SEMA6D: variants seen among roughly 807,000 people sequenced by gnomAD.
The protein encoded by SEMA6D is semaphorin-6D.
Under a neutral mutation model 106.6 loss-of-function variants are expected in SEMA6D, and 35 were observed. That is an observed-to-expected ratio of 0.33 (90% confidence interval 0.25 to 0.44). SEMA6D has a LOEUF of 0.44. Among genes scored for constraint, SEMA6D ranks in the 20% least tolerant of loss-of-function variants. SEMA6D has a pLI of 1.00. For synonymous variants in SEMA6D, 499 were observed against 487.7 expected, an observed-to-expected ratio of 1.02 and a Z score of -0.31; for missense variants, 1,185 against 1,345.9, an observed-to-expected ratio of 0.88 and a Z score of 1.87.
intron 4 of SEMA6D, among the ~76,000 whole-genome samples, chr15:47,617,367 A>G (rs1306792067): frequency 6.6e-6 from 1 of 152,214 alleles, no homozygotes; most frequent in African/African-American, 2.4e-5. Flanking sequence ...CTAATGGGAC[A>G]AAGTTTTACT....
At chr15:47,553,398 G>A (rs1385772839) in intron 3 of SEMA6D, among the ~76,000 whole-genome samples, 3 of 151,986 alleles carry the variant, frequency 2.0e-5, no homozygotes, top group South Asian at 2.1e-4. Flanking sequence ...CTAAAGTGAC[G>A]GTGTCCCAGC....
chr15:47,600,507 GAGAT>G (rs1371941219), intron 3 of SEMA6D, among the ~76,000 whole-genome samples: 3 of 152,086 alleles, frequency 2.0e-5, no homozygotes, highest in Admixed American at 2.0e-4. Flanking sequence ...TAGCTGACCA[GAGAT>G]CTTCAAGTTT....
intron 4 of SEMA6D, among the ~76,000 whole-genome samples, chr15:47,643,351 ACT>A (rs889577003): frequency 1.8e-4 from 28 of 152,000 alleles, no homozygotes; most frequent in African/African-American, 6.3e-4. Flanking sequence ...CACAGTGTAG[ACT>A]CTCAGTGTCT....
At chr15:47,568,742 G>A (rs1014943200) in intron 3 of SEMA6D, among the ~76,000 whole-genome samples, 5 of 151,988 alleles carry the variant, frequency 3.3e-5, no homozygotes, top group African/African-American at 1.2e-4. Context: ...AAACTTACTC[G>A]TACTGTGCCT....
chr15:47,198,415 A>G lies in SEMA6D; in HGVS notation c.-239+13997A>G, dbSNP rs1418805061. The stretch of plus-strand genomic sequence containing the variant: ...CAAAGTATGTATTTTTCAGGATTTG[A>G]TATTGTGCAATATAAATATATACAA... On this transcript the variant is annotated intron_variant, in intron 1 of 19. Transcript: ENST00000558014. 2.6e-5 allele frequency among the ~76,000 whole-genome samples: 4 copies of G among 152,110 alleles called. No individual in the cohort carries two copies. The East Asian group carries it at 5.8e-4, about 22-fold the overall frequency.
intron 1 of SEMA6D, among the ~76,000 whole-genome samples, chr15:47,240,156 C>T (rs902686433): frequency 6.6e-6 from 1 of 152,124 alleles, no homozygotes; most frequent in African/African-American, 2.4e-5. Context: ...TACCAGCTTT[C>T]TACCATGAAT....
At chr15:47,401,309 T>C (rs2040390798) in intron 1 of SEMA6D, among the ~76,000 whole-genome samples, 1 of 152,198 alleles carries the variant, frequency 6.6e-6, no homozygotes, top group South Asian at 2.1e-4. Context: ...TTTTGAATGT[T>C]TGACGTGTGC....
At chr15:47,317,031 C>G (rs577606035) in intron 1 of SEMA6D, among the ~76,000 whole-genome samples, 1 of 152,084 alleles carries the variant, frequency 6.6e-6, no homozygotes. Context: ...ACTAGTGAAT[C>G]TGTCTGGGCT....
At chr15:47,340,657 A>G (rs1463170759) in intron 1 of SEMA6D, among the ~76,000 whole-genome samples, 8 of 152,244 alleles carry the variant, frequency 5.3e-5, no homozygotes, top group Non-Finnish European at 1.5e-5. Context: ...CAGCTGGCTG[A>G]TGAACACATC....
chr15:47,685,714 T>C (rs1014762949), intron 4 of SEMA6D, among the ~76,000 whole-genome samples: 4 of 152,044 alleles, frequency 2.6e-5, no homozygotes, highest in African/African-American at 7.2e-5. Flanking sequence ...AACACAGCTA[T>C]GGTAGAACAT....
intron 1 of SEMA6D, among the ~76,000 whole-genome samples, chr15:47,227,745 G>C (rs2031839198): frequency 6.6e-6 from 1 of 150,412 alleles, no homozygotes; most frequent in African/African-American, 2.4e-5. Context: ...TAGCCCTTCA[G>C]TACTTTGCAA....
At chr15:47,391,416 A>G (rs569674984) in intron 1 of SEMA6D, among the ~76,000 whole-genome samples, 169 of 152,242 alleles carry the variant, frequency 1.1e-3, no homozygotes, top group African/African-American at 3.9e-3. Flanking sequence ...GCTGGAGCTT[A>G]TGTGATGGTT....
At chr15:47,533,363 A>G (rs1375562885) in intron 3 of SEMA6D, among the ~76,000 whole-genome samples, 1 of 152,246 alleles carries the variant, frequency 6.6e-6, no homozygotes, top group East Asian at 1.9e-4. Context: ...GAGCATAGAC[A>G]TGGTGATAAT....
At chr15:47,186,472 T>G (rs1331163539) in intron 1 of SEMA6D, among the ~76,000 whole-genome samples, 1 of 151,998 alleles carries the variant, frequency 6.6e-6, no homozygotes, top group Non-Finnish European at 1.5e-5. Context: ...GTGTTCTCTC[T>G]CTCTCTTTTA....
At chr15:47,237,384 A>G (rs978559292) in intron 1 of SEMA6D, among the ~76,000 whole-genome samples, 4 of 152,086 alleles carry the variant, frequency 2.6e-5, no homozygotes, top group Non-Finnish European at 2.9e-5. Context: ...GAGGAGTTCT[A>G]TTTTGCCACG....
Position 47,765,206 on chromosome 15 carries a change from G to A in SEMA6D, c.1427+150G>A, listed in dbSNP as rs113712740. 3.2e-4 allele frequency: 450 copies of A among 1,417,742 alleles called. 1 individual carries two copies. The Middle Eastern group carries it at 4.2e-3, about 13-fold the overall frequency. The allele number at this position is 1,417,742 out of a possible 1,614,324, so 87.8% of individuals were successfully genotyped here. Reference sequence around the variant, plus strand: ...TTTTTCTCATTGAAATAAATCTTGGGTTTGTTTTTTTCCCGAGCCTGCTAG... The same window carrying A: ...TTTTTCTCATTGAAATAAATCTTGGATTTGTTTTTTTCCCGAGCCTGCTAG... On this transcript the variant is annotated intron_variant, in intron 13 of 18. Transcript: ENST00000536845.
intron 1 of SEMA6D, among the ~76,000 whole-genome samples, chr15:47,404,513 GACC>G (rs1408642637): frequency 2.6e-5 from 4 of 152,120 alleles, no homozygotes; most frequent in Admixed American, 2.0e-4. Flanking sequence ...TTGTAGCACA[GACC>G]ACCACCTCTC....
chr15:47,212,860 G>C (rs1186716823), intron 1 of SEMA6D, among the ~76,000 whole-genome samples: 1 of 152,182 alleles, frequency 6.6e-6, no homozygotes, highest in African/African-American at 2.4e-5. Flanking sequence ...ATGAATAGCA[G>C]TTCCTGAGGC....
intron 2 of SEMA6D, among the ~76,000 whole-genome samples, chr15:47,469,040 C>G (rs1279588842): frequency 6.6e-6 from 1 of 152,170 alleles, no homozygotes; most frequent in East Asian, 1.9e-4. Context: ...AGCATAATTT[C>G]TTACCTGTTT....
Sources: allele counts gnomAD v4.1 joint callset (sites outside exome capture counted in the v4.1 genomes callset), GRCh38; gene constraint gnomAD v4.1.1; transcripts MANE v1.5; gene names NCBI Gene and HGNC (gene_info 2026-07-23, HGNC 2026-07-21).